SMAP2: variants seen among roughly 807,000 people sequenced by gnomAD.
SMAP2 encodes the protein small ArfGAP2.
Under a neutral mutation model 56.4 loss-of-function variants are expected in SMAP2, and 25 were observed. That is an observed-to-expected ratio of 0.44 (90% CI 0.32 to 0.62). SMAP2 has a LOEUF of 0.62. SMAP2 is among the 20% of genes least tolerant of loss of function. The probability of loss-of-function intolerance (pLI) is 0.04; values close to 1 mark genes in which losing one functional copy is unlikely to be tolerated. For missense variants in SMAP2, 388 were observed against 545.6 expected (o/e 0.71, Z 2.88); for synonymous variants, 157 against 181.7 (o/e 0.86, Z 1.09).
rs776583320 is a variant in SMAP2, at chr1:40,414,221, C to T, written c.552C>T (p.Val184=). The T allele has an allele frequency of 1.9e-6, 3 of 1,614,174 alleles. No homozygotes were observed. The highest frequency in any genetic ancestry group is 2.5e-6 in the Non-Finnish European group (3 of 1,180,010). The change falls in exon 6 of 10, where the codon GTC becomes GTT. Residue 184 remains valine, a synonymous_variant. Coordinates refer to ENST00000372718, the MANE Select transcript of SMAP2 (RefSeq NM_022733.3). ...RKSSPKSTAP[V]MDLLGLDAPV... is the part of the protein sequence containing the mutation. ...GCTCCCCGAAATCCACAGCGCCTGT[C>T]ATGGATTTGTTGGGCCTTGGTAAGA...
chr1:40,376,956 C>T (rs993918064), intron 1 of SMAP2, among the ~76,000 whole-genome samples: 3 of 152,096 alleles, frequency 2.0e-5, no homozygotes, highest in African/African-American at 4.8e-5. Context: ...TATTTAGGAA[C>T]ATTTATTAGT....
At position 40,409,236 on chromosome 1, in the gene SMAP2, G is replaced by A. The variant is rs180889147; in HGVS notation, c.323+498G>A. ...AGGACACAAAACCAAATCCCTTAAAGGCAGTGCTTCTCAAAATGTAGTTTG... is the reference window on the plus strand; with the variant it reads ...AGGACACAAAACCAAATCCCTTAAAAGCAGTGCTTCTCAAAATGTAGTTTG... On this transcript the variant is annotated intron_variant, in intron 3 of 9. Coordinates refer to ENST00000372718, the MANE Select transcript of SMAP2 (RefSeq NM_022733.3). 3.3e-3 allele frequency among the ~76,000 whole-genome samples: 498 copies of A among 152,250 alleles called. 4 individuals are homozygous for A. Among genetic ancestry groups the A allele is most frequent in the African/African-American group, 0.012 (485 of 41,568 alleles).
chr1:40,398,106 T>A (rs187918577), intron 1 of SMAP2, among the ~76,000 whole-genome samples: 1 of 152,232 alleles, frequency 6.6e-6, no homozygotes, highest in South Asian at 2.1e-4. Flanking sequence ...AGAAAGCTCA[T>A]TGCAAACAAT....
At chr1:40,403,547 A>G in intron 1 of SMAP2, 1 of 422,110 alleles carries the variant, frequency 2.4e-6, no homozygotes, top group Non-Finnish European at 3.2e-6. Context: ...TGTTGCATAG[A>G]GTGTTGGTAT....
intron 1 of SMAP2, among the ~76,000 whole-genome samples, chr1:40,379,524 C>G (rs534383979): frequency 7.4e-6 from 1 of 134,394 alleles, no homozygotes; most frequent in African/African-American, 2.8e-5. Context: ...GAAAGCTATT[C>G]TTAAATGATT....
chr1:40,407,513 C>A (rs902764631), intron 2 of SMAP2, among the ~76,000 whole-genome samples: 3 of 151,944 alleles, frequency 2.0e-5, no homozygotes, highest in African/African-American at 7.3e-5. Context: ...AATAAAAATT[C>A]ACTTTTTAAA....
chr1:40,420,541 G>C (rs560259315), intron 9 of SMAP2, among the ~76,000 whole-genome samples: 3 of 152,322 alleles, frequency 2.0e-5, no homozygotes, highest in East Asian at 3.9e-4. Context: ...GTTGTAAAAA[G>C]AGCAAAGGAT....
chr1:40,419,111 A>G (rs1256765583), intron 9 of SMAP2, among the ~76,000 whole-genome samples: 1 of 152,202 alleles, frequency 6.6e-6, no homozygotes. Flanking sequence ...TAAATATTGT[A>G]TGGGAAAGAA....
intron 1 of SMAP2, among the ~76,000 whole-genome samples, chr1:40,376,006 A>G (rs960594006): frequency 6.6e-6 from 1 of 151,990 alleles, no homozygotes; most frequent in Non-Finnish European, 1.5e-5. Context: ...GCTGGAGTGC[A>G]ATGGTGCAAT....
At chr1:40,395,537 A>C (rs1415214807) in intron 1 of SMAP2, among the ~76,000 whole-genome samples, 1 of 152,112 alleles carries the variant, frequency 6.6e-6, no homozygotes, top group Non-Finnish European at 1.5e-5. Flanking sequence ...AATAATAATA[A>C]TAATAAAACA....
intron 1 of SMAP2, among the ~76,000 whole-genome samples, chr1:40,383,283 G>A (rs1163032608): frequency 6.6e-6 from 1 of 152,212 alleles, no homozygotes. Flanking sequence ...CTGGAAGTAG[G>A]CCGAGTGAGA....
chr1:40,412,964 A>C, intron 4 of SMAP2, 52 bp from the exon 5 acceptor site: 1 of 1,342,586 alleles, frequency 7.4e-7, no homozygotes. Flanking sequence ...TGATTTATCC[A>C]ACTATTAGTC....
At position 40,400,374 on chromosome 1, in the gene SMAP2, G is replaced by T. The variant is rs1644820255; in HGVS notation, c.104-6362G>T. Among the ~76,000 whole-genome samples the T allele has an allele frequency of 2.0e-5, 3 of 152,204 alleles. No homozygotes were observed. In the South Asian group the frequency reaches 6.2e-4, roughly 31 times the overall value. ...ACAATGTGGCTTTGCTTCTTTAAGA[G>T]CTCAAGTTGGCTGTTTGGTGGAGAA... is the stretch of plus-strand genomic sequence containing the variant. On this transcript the variant is annotated intron_variant, in intron 1 of 9. Transcript: ENST00000372718.
intron 1 of SMAP2, among the ~76,000 whole-genome samples, chr1:40,376,809 A>G (rs570745986): frequency 1.3e-5 from 2 of 152,200 alleles, no homozygotes; most frequent in Non-Finnish European, 2.9e-5. Context: ...ACTGTACAGG[A>G]TATGGTGAGT....
At chr1:40,420,998 T>C (rs993112279) in intron 9 of SMAP2, among the ~76,000 whole-genome samples, 1 of 151,962 alleles carries the variant, frequency 6.6e-6, no homozygotes, top group Admixed American at 6.5e-5. Context: ...TCTTATGAGG[T>C]GCCTCCTGAC....
At chr1:40,353,971 C>G (rs1212288079) in intron 1 of SMAP2, among the ~76,000 whole-genome samples, 2 of 152,014 alleles carry the variant, frequency 1.3e-5, no homozygotes, top group African/African-American at 4.8e-5. Flanking sequence ...CATTAAACAT[C>G]AGGATAAAAA....
chr1:40,413,514 T>A (rs1644957867), intron 5 of SMAP2, among the ~76,000 whole-genome samples: 1 of 152,220 alleles, frequency 6.6e-6, no homozygotes, highest in Non-Finnish European at 1.5e-5. Context: ...TTTTAAGTGA[T>A]CCCTTCTTAT....
At chr1:40,357,170 C>A (rs1445486626) in intron 1 of SMAP2, among the ~76,000 whole-genome samples, 1 of 151,866 alleles carries the variant, frequency 6.6e-6, no homozygotes, top group African/African-American at 2.4e-5. Context: ...TTCCAATGGA[C>A]CCCATTGTCC....
intron 1 of SMAP2, chr1:40,403,747 G>A (rs560406514): frequency 1.4e-6 from 1 of 707,928 alleles, no homozygotes; most frequent in Non-Finnish European, 1.7e-6. Context: ...CTCAGGAAAT[G>A]TAAGTATCTC....
Sources: allele counts gnomAD v4.1 joint callset (sites outside exome capture counted in the v4.1 genomes callset), GRCh38; gene constraint gnomAD v4.1.1; transcripts MANE v1.5; gene names NCBI Gene and HGNC (gene_info 2026-07-23, HGNC 2026-07-21).